Variants in SEZ6L observed in about 807,000 individuals in gnomAD.
SEZ6L encodes seizure 6-like protein.
SEZ6L carries 37 observed loss-of-function variants against 106.2 expected under a neutral mutation model. The observed-to-expected ratio is 0.35, with a 90% CI of 0.27 to 0.46. SEZ6L has a LOEUF of 0.46. Ranked by LOEUF, SEZ6L falls within the 20% of genes least tolerant of loss-of-function variation. The probability of loss-of-function intolerance (pLI) is 1.00; values close to 1 mark genes in which losing one functional copy is unlikely to be tolerated. For missense variants in SEZ6L, 1,172 were observed against 1,332.8 expected (o/e 0.88, Z 1.88); for synonymous variants, 541 against 570.4 (o/e 0.95, Z 0.73).
chr22:26,358,013 G>C (rs778378203), intron 12 of SEZ6L, among the ~76,000 whole-genome samples: 8 of 152,192 alleles, frequency 5.3e-5, no homozygotes, highest in Non-Finnish European at 1.0e-4. Context: ...TGGGATACGA[G>C]ACACAGGGAT....
At chr22:26,379,619 A>AT (rs2084348617) in intron 16 of SEZ6L, among the ~76,000 whole-genome samples, 1 of 134,670 alleles carries the variant, frequency 7.4e-6, no homozygotes, top group African/African-American at 2.8e-5. Context: ...CTCACACTCC[A>AT]TAAATATTGA....
intron 1 of SEZ6L, among the ~76,000 whole-genome samples, chr22:26,230,063 C>A (rs1331293680): frequency 6.6e-6 from 1 of 152,224 alleles, no homozygotes; most frequent in Non-Finnish European, 1.5e-5. Context: ...GCTGTGAAGA[C>A]GTCTGCTGTG....
rs149924523 is a variant in SEZ6L, at chr22:26,221,882, G to A, written c.94+52119G>A. Among the ~76,000 whole-genome samples, 6 of 152,250 alleles carry A rather than the reference G, an allele frequency of 3.9e-5. No homozygotes were observed. The South Asian group carries it at 1.0e-3, about 26-fold the overall frequency. On this transcript the variant is annotated intron_variant, in intron 1 of 16. Coordinates refer to ENST00000248933, the MANE Select transcript of SEZ6L (RefSeq NM_021115.5). ...ATTTATTGTAGGTGAGAATCAATTC[G>A]CCAATGGTTTTATCTAAGCCAGTCT...
chr22:26,218,472 T>G lies in SEZ6L; in HGVS notation c.94+48709T>G, dbSNP rs1024190937. Among the ~76,000 whole-genome samples, 13 of 152,320 alleles carry G rather than the reference T, an allele frequency of 8.5e-5. No individual in the cohort carries two copies. The South Asian group carries it at 1.7e-3, about 19-fold the overall frequency. ...CTCCCTGTGTCCATGTCTTCTCATT[T>G]GAACTGCTAGTTTTATATATATTAC... On this transcript the variant is annotated intron_variant, in intron 1 of 16. Coordinates refer to ENST00000248933, the MANE Select transcript of SEZ6L (RefSeq NM_021115.5).
intron 1 of SEZ6L, among the ~76,000 whole-genome samples, chr22:26,290,326 T>C (rs1014243578): frequency 2.6e-5 from 4 of 152,068 alleles, no homozygotes; most frequent in South Asian, 2.1e-4. Context: ...GGTCAGGAGA[T>C]CGAGACCATC....
Position 26,338,867 on chromosome 22 carries a change from C to CTTTTTTTTT in SEZ6L, c.2016-1560_2016-1552dup, listed in dbSNP as rs71192914. Among the ~76,000 whole-genome samples, 196 of 87,476 alleles carry CTTTTTTTTT rather than the reference C, an allele frequency of 2.2e-3. 1 individual carries two copies. Among genetic ancestry groups the CTTTTTTTTT allele is most frequent in the African/African-American group, 3.5e-3 (71 of 20,412 alleles). 57.4% of individuals were successfully genotyped at this position (87,476 alleles called of 152,430 possible). On this transcript the variant is annotated intron_variant, in intron 9 of 16. Coordinates refer to ENST00000248933, the MANE Select transcript of SEZ6L (RefSeq NM_021115.5). ...CACCACGCCCGGACTTTTTTTTTTT[C>CTTTTTTTTT]TTTTTTTTTTTTTTTTTGTAGAGAC...
chr22:26,246,327 C>A (rs1427652086), intron 1 of SEZ6L, among the ~76,000 whole-genome samples: 1 of 152,138 alleles, frequency 6.6e-6, no homozygotes, highest in Non-Finnish European at 1.5e-5. Context: ...TATTACTAAC[C>A]CTAACCCTAA....
At position 26,235,370 on chromosome 22, in the gene SEZ6L, A is replaced by T. The variant is rs1043589725; in HGVS notation, c.95-57036A>T. Among the ~76,000 whole-genome samples, 10 of 152,292 alleles carry T rather than the reference A, an allele frequency of 6.6e-5. 1 individual carries two copies. The highest frequency in any genetic ancestry group is 6.8e-3 in the Middle Eastern group (2 of 294). ...GTATTTATTCATCTACTTAATTTTC[A>T]TTAATGAATTCAACAAACATTTACT... On this transcript the variant is annotated intron_variant, in intron 1 of 16. Coordinates refer to ENST00000248933, the MANE Select transcript of SEZ6L (RefSeq NM_021115.5).
intron 4 of SEZ6L, among the ~76,000 whole-genome samples, chr22:26,298,653 T>G (rs1181653846): frequency 6.6e-6 from 1 of 152,108 alleles, no homozygotes; most frequent in Admixed American, 6.5e-5. Flanking sequence ...TCCTGGGTGG[T>G]CTTGCCCCTC....
intron 12 of SEZ6L, among the ~76,000 whole-genome samples, chr22:26,359,596 A>C (rs568428978): frequency 2.8e-4 from 43 of 152,272 alleles, no homozygotes; most frequent in African/African-American, 1.0e-3. Context: ...TCAGGAGTTC[A>C]GGACCAGCCT....
intron 1 of SEZ6L, among the ~76,000 whole-genome samples, chr22:26,236,300 G>C (rs964650084): frequency 1.3e-5 from 2 of 152,188 alleles, no homozygotes; most frequent in South Asian, 4.1e-4. Context: ...CTGAACAGAG[G>C]GGGACCGACC....
Position 26,173,512 on chromosome 22 carries a change from C to A in SEZ6L, c.94+3749C>A, listed in dbSNP as rs557660456. 5.3e-5 allele frequency among the ~76,000 whole-genome samples: 8 copies of A among 152,226 alleles called. No homozygotes were observed. In the South Asian group the frequency reaches 1.7e-3, roughly 32 times the overall value. On this transcript the variant is annotated intron_variant, in intron 1 of 16. Coordinates refer to ENST00000248933, the MANE Select transcript of SEZ6L (RefSeq NM_021115.5). Reference sequence around the variant, plus strand: ...AATCAGAGTTCATGGTACTGGAGATCGAGCGGATGCAGGAGAGCAGGTTAA... The same window carrying A: ...AATCAGAGTTCATGGTACTGGAGATAGAGCGGATGCAGGAGAGCAGGTTAA...
chr22:26,233,835 C>T (rs2078875242), intron 1 of SEZ6L, among the ~76,000 whole-genome samples: 1 of 151,996 alleles, frequency 6.6e-6, no homozygotes, highest in South Asian at 2.1e-4. Flanking sequence ...AAAGGTAGTC[C>T]CCCATAGAAG....
intron 1 of SEZ6L, among the ~76,000 whole-genome samples, chr22:26,231,295 A>G (rs2078790709): frequency 6.6e-6 from 1 of 152,178 alleles, no homozygotes; most frequent in South Asian, 2.1e-4. Flanking sequence ...AAGGGACAGT[A>G]ACTTCTGGGT....
intron 12 of SEZ6L, among the ~76,000 whole-genome samples, chr22:26,352,362 CA>C (rs1478831533): frequency 7.2e-5 from 11 of 152,014 alleles, no homozygotes; most frequent in Non-Finnish European, 1.5e-4. Context: ...GGAATACAGC[CA>C]GTTCAAACTC....
chr22:26,277,829 G>A (rs1018007785), intron 1 of SEZ6L, among the ~76,000 whole-genome samples: 3 of 152,166 alleles, frequency 2.0e-5, no homozygotes, highest in African/African-American at 4.8e-5. Flanking sequence ...CTCTGTCCTC[G>A]AGAAACTTCC....
At chr22:26,371,367 A>G (rs2084029629) in intron 13 of SEZ6L, among the ~76,000 whole-genome samples, 1 of 152,206 alleles carries the variant, frequency 6.6e-6, no homozygotes, top group Non-Finnish European at 1.5e-5. Context: ...CACGCTCACC[A>G]ACAATGTGTA....
rs16981490 is a variant in SEZ6L, at chr22:26,192,191, T to G, written c.94+22428T>G. On this transcript the variant is annotated intron_variant, in intron 1 of 16. Transcript: ENST00000248933. ...CCTTTTATCTGTCCACTCATCCACC[T>G]GTTGATGAATCCATTCCTTCATCTG... Among the ~76,000 whole-genome samples the G allele has an allele frequency of 4.9e-3, 751 of 152,318 alleles. 5 individuals are homozygous for G. The highest frequency in any genetic ancestry group is 0.016 in the African/African-American group (654 of 41,564).
rs2146098269 is a variant in SEZ6L at position 26,382,117 on chromosome 22, T to A, written c.*1822T>A. The A allele has an allele frequency of 9.8e-6, 5 of 511,118 alleles. No homozygotes were observed. The Admixed American group carries it at 9.9e-5, about 10-fold the overall frequency. The allele number at this position is 511,118 out of a possible 1,614,324, so 31.7% of individuals were successfully genotyped here. On this transcript the variant is annotated 3_prime_UTR_variant, in exon 17 of 17. Coordinates refer to ENST00000248933, the MANE Select transcript of SEZ6L (RefSeq NM_021115.5). Reference sequence around the variant, plus strand: ...TCTTGCACATATACTCCTGAAGGCATGAGTGTGTGGTCCATGGCAAGAAAT... The same window carrying A: ...TCTTGCACATATACTCCTGAAGGCAAGAGTGTGTGGTCCATGGCAAGAAAT...
Sources: allele counts gnomAD v4.1 joint callset (sites outside exome capture counted in the v4.1 genomes callset), GRCh38; gene constraint gnomAD v4.1.1; transcripts MANE v1.5; gene names NCBI Gene and HGNC (gene_info 2026-07-23, HGNC 2026-07-21).